The following SLC26A9 variants were observed in gnomAD, a reference collection of about 807,000 sequenced individuals.
The protein encoded by SLC26A9 is anion transporter/exchanger protein 9.
In SLC26A9, 46 loss-of-function variants were observed where a neutral mutation model predicts 87.1. The ratio of observed to expected loss-of-function variants is 0.53; its 90% CI spans 0.42 to 0.67. SLC26A9 has a LOEUF of 0.67. Ranked by LOEUF, SLC26A9 falls within the 30% of genes least tolerant of loss-of-function variation. The pLI, the probability that SLC26A9 is intolerant of heterozygous loss-of-function variation, is 0.00. For missense variants in SLC26A9, 927 were observed against 1,018.3 expected (o/e 0.91, Z 1.22); for synonymous variants, 437 against 409.1 (o/e 1.07, Z -0.82).
At chr1:205,933,236 A>G in intron 2 of SLC26A9, 152 bp from the exon 3 acceptor site, 1 of 1,195,660 alleles carries the variant, frequency 8.4e-7, no homozygotes, top group African/African-American at 1.5e-5. Flanking sequence ...AAAAGGCAGG[A>G]ACTTTTTCTT....
Position 205,914,389 on chromosome 1 carries a change from T to A in SLC26A9, c.*968A>T, listed in dbSNP as rs1658489019. ...GGCATTTCCCTGATGGGCCCTGGGG[T>A]CAAGGGGGACTGTCTGGGCCCAGGT... On this transcript the variant is annotated 3_prime_UTR_variant, in exon 21 of 21. Transcript: ENST00000367135. 6.4e-6 allele frequency: 1 copy of A among 155,958 alleles called. No homozygotes were observed. The highest frequency in any genetic ancestry group is 2.0e-4 in the South Asian group (1 of 5,076). The allele number at this position is 155,958 out of a possible 1,614,324, so 9.7% of individuals were successfully genotyped here.
chr1:205,935,841 TTG>T lies in SLC26A9; in HGVS notation c.-18-5_-18-4del, dbSNP rs756691353. Reference sequence around the variant, plus strand: ...CTCATATCTGGGGCATTTACAAGCTTTGGGAGAAGCAGAGGAGGGGAGGGTGA... The same window carrying T: ...CTCATATCTGGGGCATTTACAAGCTTGGAGAAGCAGAGGAGGGGAGGGTGA... On this transcript the variant is annotated splice_polypyrimidine_tract_variant and splice_region_variant and intron_variant, in intron 1 of 20. Transcript: ENST00000367135. 1 of 1,609,642 alleles carries T rather than the reference TTG, an allele frequency of 6.2e-7. No homozygotes were observed. Among genetic ancestry groups the T allele is most frequent in the South Asian group, 1.1e-5 (1 of 90,562 alleles).
intron 15 of SLC26A9, 43 bp from the exon 16 acceptor site, chr1:205,923,238 A>G (rs1658917990): frequency 1.9e-6 from 3 of 1,608,928 alleles, no homozygotes; most frequent in Non-Finnish European, 2.6e-6. Flanking sequence ...TCCACCCTCT[A>G]TGGGAGTGGC....
intron 11 of SLC26A9, 83 bp downstream of exon 11, chr1:205,927,128 G>T: frequency 1.4e-6 from 2 of 1,412,572 alleles, no homozygotes; most frequent in Non-Finnish European, 2.0e-6. Context: ...GGCACTTTGT[G>T]GTCCGTAAAG....
intron 10 of SLC26A9, 98 bp downstream of exon 10, chr1:205,927,394 G>C: frequency 6.4e-7 from 1 of 1,551,952 alleles, no homozygotes; most frequent in Non-Finnish European, 8.9e-7. Flanking sequence ...CGGGAAGAAG[G>C]GGTCGGAGAA....
At chr1:205,928,595 G>A (rs1659176767) in intron 8 of SLC26A9, among the ~76,000 whole-genome samples, 2 of 152,340 alleles carry the variant, frequency 1.3e-5, no homozygotes, top group Non-Finnish European at 2.9e-5. Context: ...TCAGTTGAAT[G>A]AGATTTATAA....
At chr1:205,942,346 A>G (rs58234800) in intron 1 of SLC26A9, among the ~76,000 whole-genome samples, 160 of 152,130 alleles carry the variant, frequency 1.1e-3, no homozygotes, top group South Asian at 7.7e-3. Flanking sequence ...GGCCAGGATG[A>G]GGGAGGTGGG....
rs990023540 is a variant in SLC26A9, at chr1:205,914,848, A to G, written c.*509T>C. On this transcript the variant is annotated 3_prime_UTR_variant, in exon 21 of 21. Coordinates refer to ENST00000367135, the MANE Select transcript of SLC26A9 (RefSeq NM_052934.4). The stretch of plus-strand genomic sequence containing the variant: ...TGCAGAGCTGCCAGAGACAGAGTTG[A>G]GGCAGCTGGGGAAGGCAAGCCAGAG... 7 of 1,570,828 alleles carry G rather than the reference A, an allele frequency of 4.5e-6. No homozygotes were observed. Among genetic ancestry groups the G allele is most frequent in the Non-Finnish European group, 6.1e-6 (7 of 1,155,866 alleles).
chr1:205,938,095 C>T (rs1659592302), intron 1 of SLC26A9, among the ~76,000 whole-genome samples: 1 of 152,008 alleles, frequency 6.6e-6, no homozygotes. Flanking sequence ...TTCCGCTGAA[C>T]CCTACTATCC....
chr1:205,935,864 G>A, intron 1 of SLC26A9, 26 bp from the exon 2 acceptor site: 1 of 1,597,890 alleles, frequency 6.3e-7, no homozygotes, highest in Non-Finnish European at 8.5e-7. Flanking sequence ...AGGAGGGGAG[G>A]GTGAGGGAAC....
Position 205,927,518 on chromosome 1 carries a change from C to A in SLC26A9, c.1189G>T (p.Val397Leu). 6.2e-7 allele frequency: 1 copy of A among 1,614,112 alleles called. No individual in the cohort carries two copies. Among genetic ancestry groups the A allele is most frequent in the African/African-American group, 1.3e-5 (1 of 75,022 alleles). Reference protein sequence around the residue: ...ICCALSVTLAVDGAGGKSQVA... With the variant: ...ICCALSVTLALDGAGGKSQVA... ...TGGGATTTTCCTCCAGCTCCATCCA[C>A]AGCCAGAGTGACAGAAAGCGCACAG... The change falls in exon 10 of 21, where the codon GTG becomes TTG. Residue 397 changes from valine to leucine, a missense_variant. Transcript: ENST00000367135.
chr1:205,923,679 C>T, intron 13 of SLC26A9, 66 bp from the exon 14 acceptor site: 6 of 1,591,664 alleles, frequency 3.8e-6, no homozygotes, highest in Admixed American at 1.7e-5. Flanking sequence ...GAAGGGTGCC[C>T]CTGCTGGGGC....
intron 12 of SLC26A9, chr1:205,924,732 A>G: frequency 2.1e-6 from 1 of 474,478 alleles, no homozygotes; most frequent in South Asian, 2.5e-5. Flanking sequence ...AAGCCCCAGC[A>G]CACAGGGAGG....
chr1:205,940,476 G>T (rs773712593), intron 1 of SLC26A9, among the ~76,000 whole-genome samples: 1 of 152,152 alleles, frequency 6.6e-6, no homozygotes, highest in South Asian at 2.1e-4. Flanking sequence ...GGCTCGGAAC[G>T]GCACCTGGCC....
Position 205,924,410 on chromosome 1 carries a change from A to G in SLC26A9, c.1469T>C (p.Val490Ala). The G allele has an allele frequency of 6.2e-7, 1 of 1,614,224 alleles. No individual in the cohort carries two copies. Among genetic ancestry groups the G allele is most frequent in the Non-Finnish European group, 8.5e-7 (1 of 1,180,042 alleles). Residue 490 changes from valine to alanine, a missense_variant, in exon 13 of 21, where the codon GTC becomes GCC. By Grantham distance (64) the Val-to-Ala change is moderately conservative. Transcript: ENST00000367135. ...CTGAGTCTGGAAGACCACGACCAGG[A>G]CGGAGAAGGCGACACCCACTGCCAC... ...YGVAVGVAFS[V>A]LVVVFQTQFR... is the part of the protein sequence containing the mutation.
intron 18 of SLC26A9, 125 bp downstream of exon 18, chr1:205,920,051 G>T: frequency 1.9e-6 from 2 of 1,028,396 alleles, no homozygotes; most frequent in Non-Finnish European, 3.0e-6. Flanking sequence ...TGAGCAGGCA[G>T]CAGCTTGTGG....
chr1:205,932,426 A>C (rs1367238409), intron 4 of SLC26A9, among the ~76,000 whole-genome samples: 3 of 152,174 alleles, frequency 2.0e-5, no homozygotes, highest in Admixed American at 2.0e-4. Context: ...CTGTTTAAGC[A>C]TGTTATAGCA....
In SLC26A9 at chr1:205,914,150, T is replaced by C. The variant is rs1658480037; in HGVS notation, c.*1207A>G. ...AGAAGATGGCCTGAGGTCCTAAGGGTGTTAAAGAGTCTTCCTGTGCAGGAA... is the reference window on the plus strand; with the variant it reads ...AGAAGATGGCCTGAGGTCCTAAGGGCGTTAAAGAGTCTTCCTGTGCAGGAA... On this transcript the variant is annotated 3_prime_UTR_variant, in exon 21 of 21. Transcript: ENST00000367135. 1 of 152,022 alleles carries C rather than the reference T, an allele frequency of 6.6e-6. No individual in the cohort carries two copies. Among genetic ancestry groups the C allele is most frequent in the African/African-American group, 2.4e-5 (1 of 41,358 alleles). The allele number at this position is 152,022 out of a possible 1,614,324, so 9.4% of individuals were successfully genotyped here.
chr1:205,921,683 G>T lies in SLC26A9; in HGVS notation c.1938C>A (p.Pro646=). ...QSEPPASAEA[P]GEPSDMLASV... ...TGGCCAGCATGTCACTGGGCTCGCC[G>T]GGGGCCTCAGCGGAGGCTGGTGGCT... The change falls in exon 17 of 21, where the codon CCC becomes CCA. Residue 646 remains proline, a synonymous_variant. Coordinates refer to ENST00000367135, the MANE Select transcript of SLC26A9 (RefSeq NM_052934.4). 1.3e-6 allele frequency: 2 copies of T among 1,596,246 alleles called. No homozygotes were observed. Among genetic ancestry groups the T allele is most frequent in the East Asian group, 2.3e-5 (1 of 43,708 alleles).
Sources: gnomAD v4.1 joint callset for allele counts (sites outside exome capture counted in the v4.1 genomes callset) on GRCh38, gnomAD v4.1.1 for gene constraint, MANE v1.5 for transcripts, NCBI Gene and HGNC (gene_info 2026-07-23, HGNC 2026-07-21) for gene names.